COL18A1: variants seen among roughly 807,000 people sequenced by gnomAD.
The protein encoded by COL18A1 is collagen type XVIII alpha 1 chain.
Under a neutral mutation model 168.0 loss-of-function variants are expected in COL18A1, and 133 were observed. The ratio of observed to expected loss-of-function variants is 0.79; its 90% CI spans 0.69 to 0.91. The LOEUF (loss-of-function observed/expected upper bound fraction) is 0.91, where lower values mean the gene tolerates loss of function less well. COL18A1 is among the 40% of genes least tolerant of loss of function. The pLI is 0.00. For missense variants in COL18A1, 2,126 were observed against 1,925.4 expected, an observed-to-expected ratio of 1.10 and a Z score of -1.95; for synonymous variants, 949 against 809.0, an observed-to-expected ratio of 1.17 and a Z score of -2.94.
chr21:45,426,250 G>T (rs565856390), intron 2 of COL18A1, among the ~76,000 whole-genome samples: 1 of 152,198 alleles, frequency 6.6e-6, no homozygotes, highest in South Asian at 2.1e-4. Context: ...AATTACAGGC[G>T]CCCGCCACCA....
Position 45,511,181 on chromosome 21 carries a change from G to T in COL18A1, c.3764G>T (p.Arg1255Leu), listed in dbSNP as rs757116735. Residue 1255 changes from arginine to leucine, a missense_variant, in exon 41 of 42, where the codon CGC becomes CTC. Physicochemically the swap from Arg to Leu is moderately radical, Grantham distance 102. Transcript: ENST00000651438. ...GAGGGTCCGCTGAAGCCCGGGGCAC[G>T]CATCTTCTCCTTTGACGGCAAGGAC... ...GSEGPLKPGA[R>L]IFSFDGKDVL... is the part of the protein sequence containing the mutation. The T allele has an allele frequency of 2.5e-6, 4 of 1,600,138 alleles. No individual in the cohort carries two copies. In the South Asian group the frequency reaches 4.5e-5, roughly 18 times the overall value.
Position 45,480,995 on chromosome 21 carries a change from G to T in COL18A1, c.1611+137G>T, listed in dbSNP as rs537800021. 3.0e-6 allele frequency: 4 copies of T among 1,327,018 alleles called. No individual in the cohort carries two copies. In the African/African-American group the frequency reaches 4.4e-5, roughly 14 times the overall value. The allele number at this position is 1,327,018 out of a possible 1,614,324, so 82.2% of individuals were successfully genotyped here. A position where few individuals can be genotyped will look rare whatever the true frequency, so the allele number is the denominator to read the frequency against. ...CTCACCTCATCTCCTCTAGGAGCTG[G>T]CGGGCAGTTGCTGACTCGGGGCCAC... On this transcript the variant is annotated intron_variant, in intron 13 of 41. Transcript: ENST00000651438.
chr21:45,412,532 G>A (rs1445301575), intron 2 of COL18A1, among the ~76,000 whole-genome samples: 1 of 152,132 alleles, frequency 6.6e-6, no homozygotes, highest in Non-Finnish European at 1.5e-5. Context: ...GTGTGCCACT[G>A]TGCCCAGCCA....
intron 38 of COL18A1, among the ~76,000 whole-genome samples, chr21:45,508,619 A>C (rs2037393057): frequency 6.6e-6 from 1 of 152,170 alleles, no homozygotes; most frequent in African/African-American, 2.4e-5. Context: ...ATGATTCCTT[A>C]ATTGGCTCAG....
At chr21:45,503,091 T>C (rs2036951676) in intron 32 of COL18A1, 1 of 152,208 alleles carries the variant, frequency 6.6e-6, no homozygotes, top group Non-Finnish European at 1.5e-5. Context: ...TACCCAGTAA[T>C]GGGATGGCTG....
chr21:45,483,909 A>C (rs1027761400), intron 15 of COL18A1, among the ~76,000 whole-genome samples: 1 of 146,566 alleles, frequency 6.8e-6, no homozygotes, highest in African/African-American at 2.6e-5. Flanking sequence ...GCACACACAC[A>C]CCTCTCCAGC....
intron 41 of COL18A1, 38 bp downstream of exon 41, chr21:45,511,264 C>A: frequency 8.3e-7 from 1 of 1,208,246 alleles, no homozygotes; most frequent in Non-Finnish European, 1.2e-6. Flanking sequence ...TCTGAGAGCC[C>A]CAGCCAGGGA....
chr21:45,511,396 G>A (rs1433101205), intron 41 of COL18A1, among the ~76,000 whole-genome samples, 170 bp downstream of exon 41: 1 of 152,148 alleles, frequency 6.6e-6, no homozygotes, highest in African/African-American at 2.4e-5. Flanking sequence ...GAACTGCTCT[G>A]AGAAGTCATC....
At chr21:45,493,432 C>G (rs547465180) in intron 25 of COL18A1, 69 bp from the exon 26 acceptor site, 1 of 1,444,624 alleles carries the variant, frequency 6.9e-7, no homozygotes, top group East Asian at 2.5e-5. Context: ...GCCCTGCCTT[C>G]GGGGCTCTGG....
At chr21:45,432,301 A>G (rs193288216) in intron 2 of COL18A1, among the ~76,000 whole-genome samples, 175 of 152,296 alleles carry the variant, frequency 1.1e-3, no homozygotes, top group African/African-American at 4.0e-3. Context: ...GGTCTCAGTG[A>G]GAGTCTGTGG....
At chr21:45,489,974 C>T (rs1438529960) in intron 19 of COL18A1, among the ~76,000 whole-genome samples, 2 of 30,254 alleles carry the variant, frequency 6.6e-5, no homozygotes, top group Admixed American at 5.1e-4. Flanking sequence ...CCTCCTCCCC[C>T]ACACCCTCCC....
chr21:45,470,143 G>T (rs907431585), intron 3 of COL18A1, among the ~76,000 whole-genome samples: 1 of 152,276 alleles, frequency 6.6e-6, no homozygotes, highest in African/African-American at 2.4e-5. Flanking sequence ...CCGCCCTGCG[G>T]TGAGGGCCTC....
chr21:45,405,297 T>TCC (rs1569270166), intron 1 of COL18A1, 56 bp downstream of exon 1: 74 of 690,282 alleles, frequency 1.1e-4, no homozygotes, highest in Admixed American at 4.3e-4. Context: ...GCTGCGGGGG[T>TCC]CGCGGGGGTC....
chr21:45,505,747 G>A (rs1456026495), intron 36 of COL18A1, 91 bp from the exon 37 acceptor site: 100 of 1,088,942 alleles, frequency 9.2e-5, no homozygotes, highest in Non-Finnish European at 1.3e-4. Flanking sequence ...TGCGGCCCCT[G>A]CCCAGCACCC....
intron 38 of COL18A1, among the ~76,000 whole-genome samples, chr21:45,508,957 GA>G (rs1268723122): frequency 6.6e-6 from 1 of 152,148 alleles, no homozygotes; most frequent in Non-Finnish European, 1.5e-5. Flanking sequence ...TGGGGGCTGG[GA>G]TTTCTAGGGT....
chr21:45,421,022 G>C (rs146587311), intron 2 of COL18A1: 2 of 196,694 alleles, frequency 1.0e-5, no homozygotes, highest in Non-Finnish European at 2.1e-5. Flanking sequence ...CCACTCACCC[G>C]TGTCTGCTCC....
intron 2 of COL18A1, among the ~76,000 whole-genome samples, chr21:45,441,761 C>G (rs1185420254): frequency 6.6e-6 from 1 of 152,266 alleles, no homozygotes; most frequent in Non-Finnish European, 1.5e-5. Flanking sequence ...CTGTCCCCCT[C>G]AGACGCCCAC....
intron 2 of COL18A1, among the ~76,000 whole-genome samples, chr21:45,435,783 C>T (rs1336271827): frequency 2.6e-5 from 4 of 152,246 alleles, no homozygotes; most frequent in South Asian, 2.1e-4. Flanking sequence ...GACGTCCCCC[C>T]GGCGCTCCCT....
Position 45,405,317 on chromosome 21 carries a change from GGC to G in COL18A1, c.12-61_12-60del, listed in dbSNP as rs1367588780. 118 of 793,554 alleles carry G rather than the reference GGC, an allele frequency of 1.5e-4. No individual in the cohort carries two copies. The South Asian group carries it at 3.6e-3, about 24-fold the overall frequency. The allele number at this position is 793,554 out of a possible 1,614,324, so 49.2% of individuals were successfully genotyped here. ...GGGGGTCGCGGGGGTCGCGGGGCTC[GGC>G]CGGGTCCTGCGGGGGTCGCGGGGGT... On this transcript the variant is annotated intron_variant, in intron 1 of 41. Coordinates refer to ENST00000651438, the MANE Select transcript of COL18A1 (RefSeq NM_001379500.1).
Sources: gnomAD v4.1 joint callset for allele counts (sites outside exome capture counted in the v4.1 genomes callset) on GRCh38, gnomAD v4.1.1 for gene constraint, MANE v1.5 for transcripts, NCBI Gene and HGNC (gene_info 2026-07-23, HGNC 2026-07-21) for gene names.